Variants in SBF2 observed in about 807,000 individuals in gnomAD.
SBF2 encodes the protein myotubularin-related protein 13.
A neutral mutation model predicts 225.2 loss-of-function variants in SBF2; 112 were observed. That is an observed-to-expected ratio of 0.50 (90% CI 0.43 to 0.58). The LOEUF is 0.58. SBF2 is among the 20% of genes least tolerant of loss of function. The pLI is 0.00. For synonymous variants in SBF2, 763 were observed against 773.3 expected (o/e 0.99, Z 0.22); for missense variants, 1,996 against 2,206.2 (o/e 0.90, Z 1.91).
chr11:10,070,590 C>A (rs569169385), intron 2 of SBF2, among the ~76,000 whole-genome samples: 1 of 152,148 alleles, frequency 6.6e-6, no homozygotes, highest in Non-Finnish European at 1.5e-5. Flanking sequence ...AGTCAGGTAG[C>A]ATGATGCCTC....
chr11:10,056,790 A>C (rs751916000), intron 2 of SBF2, among the ~76,000 whole-genome samples: 7 of 151,928 alleles, frequency 4.6e-5, no homozygotes, highest in Non-Finnish European at 8.8e-5. Flanking sequence ...GGTGCTCCAG[A>C]GGGAGGGGCT....
chr11:10,226,942 C>G (rs1033336696), intron 1 of SBF2, among the ~76,000 whole-genome samples: 1 of 152,192 alleles, frequency 6.6e-6, no homozygotes, highest in Non-Finnish European at 1.5e-5. Flanking sequence ...GTCCCACCAA[C>G]AGTATAAAAG....
intron 3 of SBF2, among the ~76,000 whole-genome samples, chr11:10,036,080 C>T (rs965347470): frequency 6.6e-6 from 1 of 152,080 alleles, no homozygotes; most frequent in Non-Finnish European, 1.5e-5. Context: ...ACTATGCAGC[C>T]ATAAAAAAGG....
chr11:10,255,251 C>T (rs919170867), intron 1 of SBF2, among the ~76,000 whole-genome samples: 2 of 152,116 alleles, frequency 1.3e-5, no homozygotes, highest in South Asian at 2.1e-4. Context: ...TCTCAGTATA[C>T]AAAATCAGTA....
At chr11:9,931,298 T>G (rs534593666) in intron 16 of SBF2, among the ~76,000 whole-genome samples, 1 of 152,204 alleles carries the variant, frequency 6.6e-6, no homozygotes, top group African/African-American at 2.4e-5. Context: ...ACAGACTGCC[T>G]CCTCAAGTGG....
chr11:10,066,937 G>A (rs1467474771), intron 2 of SBF2, among the ~76,000 whole-genome samples: 1 of 152,186 alleles, frequency 6.6e-6, no homozygotes, highest in Admixed American at 6.5e-5. Flanking sequence ...TATTAGCAAT[G>A]AGCAAACCAG....
chr11:9,790,892 A>T, intron 33 of SBF2: 1 of 453,844 alleles, frequency 2.2e-6, no homozygotes, highest in South Asian at 2.3e-5. Context: ...GATGGAGGAA[A>T]CATCTGATAA....
chr11:9,875,729 T>C (rs1433448675), intron 17 of SBF2, among the ~76,000 whole-genome samples: 9 of 152,226 alleles, frequency 5.9e-5, no homozygotes, highest in East Asian at 1.9e-4. Context: ...TGGAATATGC[T>C]GAATAAGCTT....
At chr11:10,215,515 A>G (rs928987311) in intron 1 of SBF2, among the ~76,000 whole-genome samples, 1 of 152,144 alleles carries the variant, frequency 6.6e-6, no homozygotes, top group South Asian at 2.1e-4. Flanking sequence ...CTCTGCATCA[A>G]TAACAACCAA....
intron 2 of SBF2, among the ~76,000 whole-genome samples, chr11:10,096,852 T>G (rs1441015935): frequency 6.6e-6 from 1 of 152,134 alleles, no homozygotes; most frequent in Non-Finnish European, 1.5e-5. Context: ...ATAGTGCTAA[T>G]CATTCATTTT....
chr11:10,176,249 A>C (rs1333730009), intron 2 of SBF2, among the ~76,000 whole-genome samples: 111 of 143,748 alleles, frequency 7.7e-4, no homozygotes, highest in Non-Finnish European at 9.3e-4. Flanking sequence ...GAAAGATCCA[A>C]AATTGACACC....
At chr11:10,240,214 A>G (rs956691649) in intron 1 of SBF2, among the ~76,000 whole-genome samples, 1 of 151,900 alleles carries the variant, frequency 6.6e-6, no homozygotes, top group Non-Finnish European at 1.5e-5. Flanking sequence ...AAGTGCAGGC[A>G]TAAGTTGCTG....
chr11:9,995,985 T>C (rs1259907493), intron 9 of SBF2, among the ~76,000 whole-genome samples: 1 of 152,088 alleles, frequency 6.6e-6, no homozygotes. Context: ...TTATTCACAG[T>C]ACATTAAGTA....
intron 2 of SBF2, among the ~76,000 whole-genome samples, chr11:10,174,100 G>C (rs932102922): frequency 7.9e-5 from 12 of 152,056 alleles, no homozygotes; most frequent in Admixed American, 2.0e-4. Flanking sequence ...AAAAAGCAGA[G>C]CGCCTCTCCT....
At chr11:10,292,003 T>G (rs1256033097) in intron 1 of SBF2, among the ~76,000 whole-genome samples, 1 of 152,216 alleles carries the variant, frequency 6.6e-6, no homozygotes, top group Non-Finnish European at 1.5e-5. Flanking sequence ...ACAAAGTGAC[T>G]GACCTGTAAT....
intron 5 of SBF2, among the ~76,000 whole-genome samples, chr11:10,029,110 C>A (rs1056861323): frequency 6.6e-6 from 1 of 152,082 alleles, no homozygotes; most frequent in Non-Finnish European, 1.5e-5. Context: ...AGAAGGCTGT[C>A]CTCTTTCCCA....
At chr11:10,004,574 T>TAAAAAAAAAAAAAAAAAAAAA (rs763688115) in intron 6 of SBF2, among the ~76,000 whole-genome samples, 1 of 85,558 alleles carries the variant, frequency 1.2e-5, no homozygotes, top group Non-Finnish European at 2.3e-5. Context: ...CTACAAAAAT[T>TAAAAAAAAAAAAAAAAAAAAA]AAAAAAAAAA....
chr11:9,868,665 T>C (rs1858453801), intron 17 of SBF2, among the ~76,000 whole-genome samples: 1 of 152,256 alleles, frequency 6.6e-6, no homozygotes, highest in Admixed American at 6.5e-5. Flanking sequence ...GCATCAATTT[T>C]ATTCTAGTTT....
At position 9,991,298 on chromosome 11, in the gene SBF2, T is replaced by C. The variant is rs918342241; in HGVS notation, c.1296+1117A>G. On this transcript the variant is annotated intron_variant, in intron 12 of 39. Transcript: ENST00000256190. ...GCTTTGTGTTTTTAATTAAAGCATC[T>C]GATGCAGTAAACATATTCTACACAG... Among the ~76,000 whole-genome samples, 8 of 152,226 alleles carry C rather than the reference T, an allele frequency of 5.3e-5. No homozygotes were observed. The East Asian group carries it at 1.3e-3, about 26-fold the overall frequency.
Sources: allele counts gnomAD v4.1 joint callset (sites outside exome capture counted in the v4.1 genomes callset), GRCh38; gene constraint gnomAD v4.1.1; transcripts MANE v1.5; gene names NCBI Gene and HGNC (gene_info 2026-07-23, HGNC 2026-07-21).